The following RAB3IP variants were observed in gnomAD, a reference collection of about 807,000 sequenced individuals.
The protein encoded by RAB3IP is RAB3A interacting protein.
A neutral mutation model predicts 59.1 loss-of-function variants in RAB3IP; 36 were observed. The observed-to-expected ratio is 0.61, with a 90% CI of 0.47 to 0.80. The LOEUF (loss-of-function observed/expected upper bound fraction) is 0.80. RAB3IP is among the 30% of genes least tolerant of loss of function. The probability of loss-of-function intolerance (pLI) is 0.00; values close to 1 mark genes in which losing one functional copy is unlikely to be tolerated. For synonymous variants in RAB3IP, 207 were observed against 191.2 expected (o/e 1.08, Z -0.68); for missense variants, 511 against 536.0 (o/e 0.95, Z 0.46).
At chr12:69,755,857 G>A (rs547977159) in intron 2 of RAB3IP, among the ~76,000 whole-genome samples, 198 bp downstream of exon 2, 1 of 152,162 alleles carries the variant, frequency 6.6e-6, no homozygotes, top group African/African-American at 2.4e-5. Context: ...AATATTTTAG[G>A]CTTTGCAAGC....
intron 3 of RAB3IP, among the ~76,000 whole-genome samples, chr12:69,770,567 C>A (rs1872948004): frequency 6.6e-6 from 1 of 152,158 alleles, no homozygotes; most frequent in Admixed American, 6.5e-5. Context: ...CCAACTGTAT[C>A]TCTCAAATTT....
chr12:69,787,070 TTA>T (rs1444174337), intron 4 of RAB3IP, among the ~76,000 whole-genome samples: 1 of 152,162 alleles, frequency 6.6e-6, no homozygotes, highest in Non-Finnish European at 1.5e-5. Flanking sequence ...TTTTTGCACT[TTA>T]TATGTGTGTG....
chr12:69,773,146 T>A (rs1489070380), intron 3 of RAB3IP, among the ~76,000 whole-genome samples: 6 of 152,170 alleles, frequency 3.9e-5, no homozygotes, highest in Non-Finnish European at 8.8e-5. Flanking sequence ...AGGTTCTTGC[T>A]GAGAAGTTTG....
rs948342133 is a variant in RAB3IP at position 69,822,831 on chromosome 12, C to T, written c.*7385C>T. ...TCCATAAAAATTGGAAATAAACTAC[C>T]ACCATCTTTCTTCAGCCTATTTTCC... is the stretch of plus-strand genomic sequence containing the variant. On this transcript the variant is annotated 3_prime_UTR_variant, in exon 11 of 11. Coordinates refer to ENST00000247833, the MANE Select transcript of RAB3IP (RefSeq NM_022456.5). 1 of 152,196 alleles carries T rather than the reference C, an allele frequency of 6.6e-6. No homozygotes were observed. 9.4% of individuals were successfully genotyped at this position (152,196 alleles called of 1,614,324 possible). A position where few individuals can be genotyped will look rare whatever the true frequency, so the allele number is the denominator to read the frequency against.
At chr12:69,748,760 C>T (rs556564799) in intron 1 of RAB3IP, among the ~76,000 whole-genome samples, 1 of 152,068 alleles carries the variant, frequency 6.6e-6, no homozygotes, top group African/African-American at 2.4e-5. Flanking sequence ...TTGCTTAATG[C>T]GAAAGATACT....
In RAB3IP at chr12:69,820,596, TGCCTGTAATCCCAGCACTTTGGGAG is replaced by T. The variant is rs1368449159; in HGVS notation, c.*5154_*5178del. ...AAAACTGGCCAGGTGCGATGGCTCA[TGCCTGTAATCCCAGCACTTTGGGAG>T]GCCGAGGCGGGCGGATCCCCTGAGG... On this transcript the variant is annotated 3_prime_UTR_variant, in exon 11 of 11. Coordinates refer to ENST00000247833, the MANE Select transcript of RAB3IP (RefSeq NM_022456.5). 2.7e-5 allele frequency: 4 copies of T among 149,318 alleles called. No individual in the cohort carries two copies. The allele number at this position is 149,318 out of a possible 1,614,324, so 9.2% of individuals were successfully genotyped here.
intron 3 of RAB3IP, among the ~76,000 whole-genome samples, chr12:69,762,401 A>T (rs1340880111): frequency 1.3e-5 from 2 of 152,206 alleles, no homozygotes; most frequent in African/African-American, 4.8e-5. Flanking sequence ...AAACTTGTTG[A>T]TTCTTACATT....
chr12:69,783,749 G>C (rs1357435503), intron 3 of RAB3IP, among the ~76,000 whole-genome samples: 1 of 152,150 alleles, frequency 6.6e-6, no homozygotes. Flanking sequence ...TTGTTGCTTT[G>C]TAGGGTACCT....
intron 6 of RAB3IP, chr12:69,796,110 G>C (rs1877394674): frequency 6.6e-6 from 1 of 152,368 alleles, no homozygotes; most frequent in South Asian, 2.1e-4. Flanking sequence ...AGACCAGCCT[G>C]ACCAACATGG....
intron 8 of RAB3IP, among the ~76,000 whole-genome samples, chr12:69,804,566 T>C (rs1878932455): frequency 6.6e-6 from 1 of 152,248 alleles, no homozygotes; most frequent in South Asian, 2.1e-4. Flanking sequence ...ATGAAGTCCT[T>C]GTCCATGCCT....
At chr12:69,765,697 G>A (rs932278719) in intron 3 of RAB3IP, among the ~76,000 whole-genome samples, 5 of 152,174 alleles carry the variant, frequency 3.3e-5, no homozygotes, top group Non-Finnish European at 7.3e-5. Flanking sequence ...GCTGCCGAAC[G>A]AAGCATGCAG....
At chr12:69,806,885 C>T (rs567571197) in intron 8 of RAB3IP, among the ~76,000 whole-genome samples, 44 of 152,184 alleles carry the variant, frequency 2.9e-4, no homozygotes, top group Admixed American at 3.9e-4. Flanking sequence ...TCAGAGAGCA[C>T]GGGGTTGGGG....
At chr12:69,802,133 G>A (rs891800283) in intron 8 of RAB3IP, among the ~76,000 whole-genome samples, 7 of 151,554 alleles carry the variant, frequency 4.6e-5, no homozygotes, top group Non-Finnish European at 1.0e-4. Flanking sequence ...AGTTTAGTGG[G>A]TCATAAGTAG....
At chr12:69,741,034 T>C (rs1003585614) in intron 1 of RAB3IP, among the ~76,000 whole-genome samples, 1 of 152,252 alleles carries the variant, frequency 6.6e-6, no homozygotes, top group African/African-American at 2.4e-5. Flanking sequence ...GTGGAAATAC[T>C]ATTAGGTTGA....
rs148850232 is a variant in RAB3IP at position 69,821,910 on chromosome 12, T to C, written c.*6464T>C. The stretch of plus-strand genomic sequence containing the variant: ...ACTTATCTGCTGGGCCTTGGAAGTA[T>C]TTCAGTTCGGAACCCCAATTCTAAC... On this transcript the variant is annotated 3_prime_UTR_variant, in exon 11 of 11. Coordinates refer to ENST00000247833, the MANE Select transcript of RAB3IP (RefSeq NM_022456.5). 3.9e-5 allele frequency: 6 copies of C among 152,330 alleles called. No individual in the cohort carries two copies. Among genetic ancestry groups the C allele is most frequent in the Non-Finnish European group, 7.3e-5 (5 of 68,040 alleles). 9.4% of individuals were successfully genotyped at this position (152,330 alleles called of 1,614,324 possible). A position where few individuals can be genotyped will look rare whatever the true frequency, so the allele number is the denominator to read the frequency against.
chr12:69,822,318 T>G lies in RAB3IP; in HGVS notation c.*6872T>G, dbSNP rs1881834779. The stretch of plus-strand genomic sequence containing the variant: ...CTACCTGGATTTTGCAGTAGCTTCT[T>G]AAACTGCTTAAACTTTGGATATTGC... On this transcript the variant is annotated 3_prime_UTR_variant, in exon 11 of 11. Transcript: ENST00000247833. 1 of 152,196 alleles carries G rather than the reference T, an allele frequency of 6.6e-6. No individual in the cohort carries two copies. Among genetic ancestry groups the G allele is most frequent in the Admixed American group, 6.5e-5 (1 of 15,278 alleles). The allele number at this position is 152,196 out of a possible 1,614,324, so 9.4% of individuals were successfully genotyped here. A position where few individuals can be genotyped will look rare whatever the true frequency, so the allele number is the denominator to read the frequency against.
At position 69,818,971 on chromosome 12, in the gene RAB3IP, A is replaced by G. The variant is rs1339276554; in HGVS notation, c.*3525A>G. The G allele has an allele frequency of 6.6e-6, 1 of 152,174 alleles. No homozygotes were observed. The highest frequency in any genetic ancestry group is 2.4e-5 in the African/African-American group (1 of 41,414). 9.4% of individuals were successfully genotyped at this position (152,174 alleles called of 1,614,324 possible). A position where few individuals can be genotyped will look rare whatever the true frequency, so the allele number is the denominator to read the frequency against. On this transcript the variant is annotated 3_prime_UTR_variant, in exon 11 of 11. Transcript: ENST00000247833. ...GTGCTTATAGTCCCAGCTACTTGGG[A>G]GTCTGAGATAGGAAGATCCTTGAGG...
At position 69,756,482 on chromosome 12, in the gene RAB3IP, A is replaced by G. The variant is rs368063607; in HGVS notation, c.329A>G (p.Asp110Gly). 8 of 1,614,136 alleles carry G rather than the reference A, an allele frequency of 5.0e-6. No individual in the cohort carries two copies. The highest frequency in any genetic ancestry group is 1.6e-4 in the Middle Eastern group (1 of 6,062). Residue 110 changes from aspartate (D) to glycine (G), a missense_variant, in exon 3 of 11, where the codon GAC (aspartate) becomes GGC (glycine). Physicochemically the swap from Asp to Gly is moderately conservative, Grantham distance 94. Coordinates refer to ENST00000247833, the MANE Select transcript of RAB3IP (RefSeq NM_022456.5). ...TTAACTAAATTAACTACAAGAAAGG[A>G]CAACTATAATGCAGAGAGAGAGTTT... ...AGLTKLTTRK[D>G]NYNAEREFLQ...
Position 69,815,684 on chromosome 12 carries a change from CAAAA to C in RAB3IP, c.*249_*252del. On this transcript the variant is annotated 3_prime_UTR_variant, in exon 11 of 11. Transcript: ENST00000247833. ...ACTAGTGAATGTAATTTATAGTTGCCAAAAAAAAAAAAAACCTGAAATAAATAAA... is the reference window on the plus strand; with the variant it reads ...ACTAGTGAATGTAATTTATAGTTGCCAAAAAAAAAACCTGAAATAAATAAA... 1 of 211,706 alleles carries C rather than the reference CAAAA, an allele frequency of 4.7e-6. No homozygotes were observed. The highest frequency in any genetic ancestry group is 8.6e-6 in the Non-Finnish European group (1 of 116,526). The allele number at this position is 211,706 out of a possible 1,614,324, so 13.1% of individuals were successfully genotyped here. A position where few individuals can be genotyped will look rare whatever the true frequency, so the allele number is the denominator to read the frequency against.
Sources: gnomAD v4.1 joint callset for allele counts (sites outside exome capture counted in the v4.1 genomes callset) on GRCh38, gnomAD v4.1.1 for gene constraint, MANE v1.5 for transcripts, NCBI Gene and HGNC (gene_info 2026-07-23, HGNC 2026-07-21) for gene names.